Variants in TYMS observed in about 807,000 individuals in gnomAD.
TYMS encodes thymidylate synthase.
TYMS carries 21 observed loss-of-function variants against 39.3 expected under a neutral mutation model. That is an observed-to-expected ratio of 0.54 (90% CI 0.38 to 0.77). The LOEUF is 0.77. Ranked by LOEUF, TYMS falls within the 30% of genes least tolerant of loss-of-function variation. TYMS has a pLI of 0.00. For missense variants in TYMS, 273 were observed against 406.7 expected (o/e 0.67, Z 2.83); for synonymous variants, 171 against 162.2 (o/e 1.05, Z -0.41).
In TYMS at chr18:658,376, T is replaced by C. The variant is rs2074716544; in HGVS notation, c.205+429T>C. 7.8e-7 allele frequency: 1 copy of C among 1,273,990 alleles called. No individual in the cohort carries two copies. The highest frequency in any genetic ancestry group is 1.6e-5 in the African/African-American group (1 of 63,942). 78.9% of individuals were successfully genotyped at this position (1,273,990 alleles called of 1,614,324 possible). A position where few individuals can be genotyped will look rare whatever the true frequency, so the allele number is the denominator to read the frequency against. ...GTGGACCATTCCGCTTCGCAGCGTT[T>C]TCAAAAACTGGAGCGAAAGTGATGT... On this transcript the variant is annotated intron_variant, in intron 1 of 6. Coordinates refer to ENST00000323274, the MANE Select transcript of TYMS (RefSeq NM_001071.4). This position sits in a 1 kb window ranked among gnomAD's most constrained non-coding sequence, Gnocchi z 4.5.
At chr18:666,915 T>TGATGGA (rs200659471) in intron 3 of TYMS, among the ~76,000 whole-genome samples, 1 of 59,500 alleles carries the variant, frequency 1.7e-5, no homozygotes, top group Admixed American at 2.3e-4. Flanking sequence ...ATGGTGATGG[T>TGATGGA]GATGGAGATG....
At chr18:671,731 AT>A in intron 6 of TYMS, 1 of 409,906 alleles carries the variant, frequency 2.4e-6, no homozygotes, top group Non-Finnish European at 4.3e-6. Context: ...AAAAGGGGGC[AT>A]TTTAACTCAT....
intron 6 of TYMS, chr18:671,855 C>A: frequency 5.3e-6 from 1 of 188,708 alleles, no homozygotes; most frequent in Admixed American, 6.1e-5. Context: ...TCTCAGCTCA[C>A]TGCAACCTCC....
intron 3 of TYMS, among the ~76,000 whole-genome samples, chr18:664,890 C>T (rs945413050): frequency 7.1e-6 from 1 of 141,552 alleles, no homozygotes; most frequent in Non-Finnish European, 1.5e-5. Flanking sequence ...GGTGGATAAG[C>T]TTTTTGATGT....
chr18:672,998 G>C lies in TYMS; in HGVS notation c.*1G>C. The C allele has an allele frequency of 1.3e-6, 2 of 1,559,438 alleles. No homozygotes were observed. The highest frequency in any genetic ancestry group is 2.3e-5 in the South Asian group (2 of 85,228). ...TATTAAAATGGAAATGGCTGTTTAG[G>C]GTGCTTTCAAAGGAGCTCGAAGGAT... is the stretch of plus-strand genomic sequence containing the variant. On this transcript the variant is annotated 3_prime_UTR_variant, in exon 7 of 7. Coordinates refer to ENST00000323274, the MANE Select transcript of TYMS (RefSeq NM_001071.4).
At chr18:670,991 A>C (rs1449009399) in intron 5 of TYMS, 124 bp downstream of exon 5, 23 of 1,233,414 alleles carry the variant, frequency 1.9e-5, no homozygotes, top group South Asian at 6.1e-5. Flanking sequence ...ATGTGTAAGT[A>C]AGAAATGAAC....
intron 3 of TYMS, among the ~76,000 whole-genome samples, chr18:667,280 GGA>G (rs1395509929): frequency 9.2e-5 from 1 of 10,908 alleles, no homozygotes; most frequent in Non-Finnish European, 1.6e-4. Context: ...GATGGTGATG[GGA>G]TGGTGATGGA....
intron 2 of TYMS, among the ~76,000 whole-genome samples, chr18:661,789 C>A (rs1011770525): frequency 6.6e-6 from 1 of 152,174 alleles, no homozygotes; most frequent in Non-Finnish European, 1.5e-5. Context: ...AGTTCGAGGC[C>A]AGCCTGACCA....
intron 5 of TYMS, 117 bp downstream of exon 5, chr18:670,984 T>C: frequency 7.8e-7 from 1 of 1,278,966 alleles, no homozygotes; most frequent in Non-Finnish European, 1.1e-6. Context: ...ATTTGATATG[T>C]GTAAGTAAGA....
chr18:673,443 TTTAAAG>T lies in TYMS; in HGVS notation c.*450_*455del, dbSNP rs11280056. The T allele has an allele frequency of 0.38, 83,333 of 217,316 alleles. 17,511 individuals are homozygous for T. Among genetic ancestry groups the T allele is most frequent in the East Asian group, 0.65 (9,196 of 14,154 alleles). 13.5% of individuals were successfully genotyped at this position (217,316 alleles called of 1,614,324 possible). ...CATGATGTAGAGTGTGGTTATGAACTTTAAAGTTATAGTTGTTTTATATGTTGCTAT... is the reference window on the plus strand; with the variant it reads ...CATGATGTAGAGTGTGGTTATGAACTTTATAGTTGTTTTATATGTTGCTAT... On this transcript the variant is annotated 3_prime_UTR_variant, in exon 7 of 7. Transcript: ENST00000323274.
At position 658,176 on chromosome 18, in the gene TYMS, C is replaced by T. The variant is rs1217308171; in HGVS notation, c.205+229C>T. 1.9e-6 allele frequency: 3 copies of T among 1,561,562 alleles called. No individual in the cohort carries two copies. Among genetic ancestry groups the T allele is most frequent in the Admixed American group, 1.8e-5 (1 of 55,058 alleles). On this transcript the variant is annotated intron_variant, in intron 1 of 6. Transcript: ENST00000323274. The surrounding 1 kb of genome is among the most constrained non-coding windows in gnomAD (Gnocchi z 4.5). ...CAGCAGCGACAGCCGGGAGGTAAGCCGCGTCCCAGCGGCTCCGCGGCCGGG... is the reference window on the plus strand; with the variant it reads ...CAGCAGCGACAGCCGGGAGGTAAGCTGCGTCCCAGCGGCTCCGCGGCCGGG...
chr18:665,105 CTT>C (rs1254913812), intron 3 of TYMS, among the ~76,000 whole-genome samples: 1 of 151,906 alleles, frequency 6.6e-6, no homozygotes, highest in Non-Finnish European at 1.5e-5. Context: ...ACCAGTTCCT[CTT>C]TGTACCTCTG....
Position 665,705 on chromosome 18 carries a change from G to GT in TYMS, c.455-3366dup, listed in dbSNP as rs902016198. Among the ~76,000 whole-genome samples, 16 of 95,978 alleles carry GT rather than the reference G, an allele frequency of 1.7e-4. 4 individuals carry two copies. Among genetic ancestry groups the GT allele is most frequent in the Admixed American group, 1.1e-3 (13 of 11,426 alleles). The allele number at this position is 95,978 out of a possible 152,430, so 63.0% of individuals were successfully genotyped here. A position where few individuals can be genotyped will look rare whatever the true frequency, so the allele number is the denominator to read the frequency against. On this transcript the variant is annotated intron_variant, in intron 3 of 6. Transcript: ENST00000323274. ...CTTTGAATGTGTCCCAGAGATTCTGGTATGTTGTGTCTCTGTTCTCGTTGG... is the reference window on the plus strand; with the variant it reads ...CTTTGAATGTGTCCCAGAGATTCTGGTTATGTTGTGTCTCTGTTCTCGTTGG...
rs1567989612 is a variant in TYMS, at chr18:666,957, AGATGGAGATGGT to A, written c.455-2103_455-2092del. Among the ~76,000 whole-genome samples, 17 of 22,814 alleles carry A rather than the reference AGATGGAGATGGT, an allele frequency of 7.5e-4. 2 individuals are homozygous for A. Among genetic ancestry groups the A allele is most frequent in the Non-Finnish European group, 1.0e-3 (14 of 13,998 alleles). The allele number at this position is 22,814 out of a possible 152,430, so 15.0% of individuals were successfully genotyped here. On this transcript the variant is annotated intron_variant, in intron 3 of 6. Coordinates refer to ENST00000323274, the MANE Select transcript of TYMS (RefSeq NM_001071.4). ...GTGATGGAGATGGTGATGGTGATGGAGATGGAGATGGTGATGGAGATGGAGATGGTGATGGTG... is the reference window on the plus strand; with the variant it reads ...GTGATGGAGATGGTGATGGTGATGGAGATGGAGATGGAGATGGTGATGGTG...
At chr18:669,301 G>A in intron 4 of TYMS, 128 bp downstream of exon 4, 2 of 640,042 alleles carry the variant, frequency 3.1e-6, no homozygotes, top group South Asian at 4.2e-5. Flanking sequence ...GGTTGATTGT[G>A]TGACGTTGGG....
chr18:670,042 CTT>C (rs1294532735), intron 4 of TYMS, among the ~76,000 whole-genome samples: 8 of 128,612 alleles, frequency 6.2e-5, no homozygotes, highest in South Asian at 5.4e-4. Context: ...GTAATAGAGA[CTT>C]ATTTTTTTTT....
Position 671,165 on chromosome 18 carries a change from GGGA to G in TYMS, c.733-213_733-211del, listed in dbSNP as rs2075027447. Reference sequence around the variant, plus strand: ...CTCATGCCTGTAATCCCAGCACTTTGGGAGACTGAGACAGGAGCAATTGCTTGA... The same window carrying G: ...CTCATGCCTGTAATCCCAGCACTTTGGACTGAGACAGGAGCAATTGCTTGA... On this transcript the variant is annotated intron_variant, in intron 5 of 6. Transcript: ENST00000323274. The G allele has an allele frequency of 2.6e-5, 16 of 613,262 alleles. No homozygotes were observed. In the South Asian group the frequency reaches 3.2e-4, roughly 12 times the overall value. The allele number at this position is 613,262 out of a possible 1,614,324, so 38.0% of individuals were successfully genotyped here.
rs1567990664 is a variant in TYMS, at chr18:667,456, AT to A, written c.455-1615del. Among the ~76,000 whole-genome samples the A allele has an allele frequency of 2.6e-3, 3 of 1,152 alleles. 1 individual carries two copies. Among genetic ancestry groups the A allele is most frequent in the Admixed American group, 0.011 (1 of 94 alleles). 0.8% of individuals were successfully genotyped at this position (1,152 alleles called of 152,430 possible). On this transcript the variant is annotated intron_variant, in intron 3 of 6. Transcript: ENST00000323274. ...GATGGTGATGGTGATGGTGATGGTG[AT>A]GATGGAGATGGTGATGGTGATGGTG...
In TYMS at chr18:658,265, G is replaced by T. The variant is rs550800489; in HGVS notation, c.205+318G>T. 25 of 1,452,488 alleles carry T rather than the reference G, an allele frequency of 1.7e-5. No individual in the cohort carries two copies. The South Asian group carries it at 3.0e-4, about 18-fold the overall frequency. The allele number at this position is 1,452,488 out of a possible 1,614,324, so 90.0% of individuals were successfully genotyped here. A position where few individuals can be genotyped will look rare whatever the true frequency, so the allele number is the denominator to read the frequency against. ...GGCGTCATCGGGCAGCGTTTGCCCA[G>T]TGCTGGAGGGTTAGGGAGAGCTGCC... is the stretch of plus-strand genomic sequence containing the variant. On this transcript the variant is annotated intron_variant, in intron 1 of 6. Coordinates refer to ENST00000323274, the MANE Select transcript of TYMS (RefSeq NM_001071.4). This position sits in a 1 kb window ranked among gnomAD's most constrained non-coding sequence, Gnocchi z 4.5.
Sources: allele counts gnomAD v4.1 joint callset (sites outside exome capture counted in the v4.1 genomes callset), GRCh38; gene constraint gnomAD v4.1.1; non-coding constraint Gnocchi (gnomAD v3.1); transcripts MANE v1.5; gene names NCBI Gene and HGNC (gene_info 2026-07-23, HGNC 2026-07-21).